DCUN1D4: variants seen among roughly 807,000 people sequenced by gnomAD.
DCUN1D4 encodes the protein defective in cullin neddylation 1 domain containing 4, also known as DCN1-like protein 4.
In DCUN1D4, 22 loss-of-function variants were observed where a neutral mutation model predicts 47.9. The ratio of observed to expected loss-of-function variants is 0.46; its 90% CI spans 0.33 to 0.66. The LOEUF is 0.66. Among genes scored for constraint, DCUN1D4 ranks in the 30% least tolerant of loss-of-function variants. The pLI, the probability that DCUN1D4 is intolerant of heterozygous loss-of-function variation, is 0.02. For missense variants in DCUN1D4, 301 were observed against 340.8 expected (o/e 0.88, Z 0.92); for synonymous variants, 121 against 112.2 (o/e 1.08, Z -0.50).
At position 51,848,483 on chromosome 4, in the gene DCUN1D4, G is replaced by A. The variant is rs1044024808; in HGVS notation, c.25+5216G>A. The A allele has an allele frequency of 5.7e-5, 44 of 772,102 alleles. 1 individual carries two copies. Among genetic ancestry groups the A allele is most frequent in the Non-Finnish European group, 6.8e-5 (43 of 634,800 alleles). 47.8% of individuals were successfully genotyped at this position (772,102 alleles called of 1,614,324 possible). ...TAACAATATAGTGAGATCACTGAAA[G>A]TCTTTCTTCAGATTTACAGAGTAAA... On this transcript the variant is annotated intron_variant, in intron 1 of 10. Coordinates refer to ENST00000334635, the MANE Select transcript of DCUN1D4 (RefSeq NM_001040402.3).
chr4:51,853,732 C>G (rs577235441), intron 1 of DCUN1D4, among the ~76,000 whole-genome samples: 1 of 152,270 alleles, frequency 6.6e-6, no homozygotes, highest in Non-Finnish European at 1.5e-5. Context: ...TTAGGTGATT[C>G]CACTGTGTAG....
chr4:51,858,228 A>G (rs185678984), intron 1 of DCUN1D4, among the ~76,000 whole-genome samples: 1 of 152,328 alleles, frequency 6.6e-6, no homozygotes, highest in African/African-American at 2.4e-5. Flanking sequence ...ACTAATTAAC[A>G]TATCCATCAA....
chr4:51,910,791 A>G (rs1733605229), intron 8 of DCUN1D4: 1 of 429,626 alleles, frequency 2.3e-6, no homozygotes, highest in South Asian at 4.0e-5. Context: ...AAAAGCCTGT[A>G]GAAACTGCTA....
At chr4:51,897,600 G>A (rs1180577935) in intron 7 of DCUN1D4, among the ~76,000 whole-genome samples, 1 of 152,188 alleles carries the variant, frequency 6.6e-6, no homozygotes, top group Non-Finnish European at 1.5e-5. Context: ...AAGTATGCTT[G>A]CTTATGAAAA....
intron 8 of DCUN1D4, among the ~76,000 whole-genome samples, chr4:51,907,463 A>C (rs909246179): frequency 1.3e-5 from 2 of 152,100 alleles, no homozygotes; most frequent in African/African-American, 4.8e-5. Flanking sequence ...CATTTTCTCT[A>C]TGTCTGTTTT....
intron 9 of DCUN1D4, among the ~76,000 whole-genome samples, chr4:51,912,008 C>G (rs957055164): frequency 1.3e-5 from 2 of 152,044 alleles, no homozygotes; most frequent in African/African-American, 2.4e-5. Flanking sequence ...ATGTAATGGT[C>G]CAGAATATTT....
the DCUN1D4 span, among the ~76,000 whole-genome samples, chr4:51,835,850 C>T: frequency 2.7e-4 from 41 of 152,240 alleles, no homozygotes; most frequent in African/African-American, 8.2e-4. Flanking sequence ...GGTAAAATTT[C>T]GAAAGAGATG....
intron 8 of DCUN1D4, chr4:51,910,713 G>T: frequency 4.0e-6 from 1 of 247,590 alleles, no homozygotes; most frequent in Non-Finnish European, 7.7e-6. Flanking sequence ...CAACAATTAG[G>T]ATTTTGATAA....
intron 1 of DCUN1D4, among the ~76,000 whole-genome samples, chr4:51,851,873 C>T (rs1168846043): frequency 6.6e-6 from 1 of 152,174 alleles, no homozygotes; most frequent in Non-Finnish European, 1.5e-5. Flanking sequence ...GGTCACACAG[C>T]TTATAAGTGG....
At chr4:51,900,209 C>T (rs1731887802) in intron 8 of DCUN1D4, among the ~76,000 whole-genome samples, 1 of 151,366 alleles carries the variant, frequency 6.6e-6, no homozygotes, top group Non-Finnish European at 1.5e-5. Context: ...ATTTTTTTCA[C>T]TTTTTACTCT....
intron 3 of DCUN1D4, among the ~76,000 whole-genome samples, chr4:51,867,047 A>G (rs1433340339): frequency 1.3e-5 from 2 of 152,242 alleles, no homozygotes; most frequent in Non-Finnish European, 2.9e-5. Flanking sequence ...ACCCGCTCCA[A>G]TCACTGCACA....
At position 51,899,296 on chromosome 4, in the gene DCUN1D4, A is replaced by G. The variant is rs761076170; in HGVS notation, c.533A>G (p.Asn178Ser). 1.1e-5 allele frequency: 18 copies of G among 1,606,450 alleles called. No homozygotes were observed. The highest frequency in any genetic ancestry group is 1.4e-5 in the Non-Finnish European group (17 of 1,177,704). The change falls in exon 8 of 11, where the codon AAT (asparagine) becomes AGT (serine). Residue 178 changes from asparagine to serine, a missense_variant. Coordinates refer to ENST00000334635, the MANE Select transcript of DCUN1D4 (RefSeq NM_001040402.3). ...LQCDTTEKLR[N>S]TLDYLRSFLN... ...TGTGATACAACAGAAAAACTCAGAA[A>G]TACTTTGGATTACTTAAGATCATTC...
At chr4:51,894,122 T>A (rs1378424696) in intron 7 of DCUN1D4, among the ~76,000 whole-genome samples, 1 of 152,188 alleles carries the variant, frequency 6.6e-6, no homozygotes, top group Non-Finnish European at 1.5e-5. Context: ...GATTGCCACT[T>A]GATCCTTGCA....
At chr4:51,875,050 A>G (rs1304362900) in intron 4 of DCUN1D4, 1 of 152,170 alleles carries the variant, frequency 6.6e-6, no homozygotes, top group Admixed American at 6.5e-5. Flanking sequence ...ATCTTTCCCC[A>G]TTCTGGCTTT....
At chr4:51,887,766 T>C (rs1729733967) in intron 6 of DCUN1D4, among the ~76,000 whole-genome samples, 1 of 152,194 alleles carries the variant, frequency 6.6e-6, no homozygotes, top group South Asian at 2.1e-4. Context: ...ATTTTTTTCT[T>C]TAAACTTTTT....
intron 7 of DCUN1D4, among the ~76,000 whole-genome samples, chr4:51,894,530 T>G (rs1730936741): frequency 1.3e-5 from 2 of 152,130 alleles, no homozygotes; most frequent in South Asian, 4.1e-4. Flanking sequence ...ATAAACAATA[T>G]TCAGACAAAA....
At chr4:51,904,304 A>G (rs1560516187) in intron 8 of DCUN1D4, among the ~76,000 whole-genome samples, 1 of 152,096 alleles carries the variant, frequency 6.6e-6, no homozygotes, top group Non-Finnish European at 1.5e-5. Flanking sequence ...TGGGATTACA[A>G]ACTGTCCCCA....
chr4:51,891,988 A>T (rs1730501479), intron 7 of DCUN1D4, 137 bp downstream of exon 7: 1 of 655,736 alleles, frequency 1.5e-6, no homozygotes, highest in African/African-American at 1.9e-5. Context: ...GTGGCCAAAG[A>T]TGTAAAGACT....
At chr4:51,859,274 A>C (rs1191639923) in intron 1 of DCUN1D4, among the ~76,000 whole-genome samples, 1 of 152,186 alleles carries the variant, frequency 6.6e-6, no homozygotes, top group Non-Finnish European at 1.5e-5. Flanking sequence ...CAATAAAATC[A>C]TACATATTGG....
Sources: allele counts gnomAD v4.1 joint callset (sites outside exome capture counted in the v4.1 genomes callset), GRCh38; gene constraint gnomAD v4.1.1; transcripts MANE v1.5; gene names NCBI Gene and HGNC (gene_info 2026-07-23, HGNC 2026-07-21).